Variants in ROBO2 observed in about 807,000 individuals in gnomAD.
ROBO2 encodes the protein roundabout homolog 2.
Under a neutral mutation model 160.8 loss-of-function variants are expected in ROBO2, and 53 were observed. The observed-to-expected ratio is 0.33, with a 90% CI of 0.26 to 0.41. The LOEUF (loss-of-function observed/expected upper bound fraction) is 0.41, where lower values mean the gene tolerates loss of function less well. Among genes scored for constraint, ROBO2 ranks in the 10% least tolerant of loss-of-function variants. The pLI is 1.00. For missense variants in ROBO2, 1,577 were observed against 1,722.4 expected (o/e 0.92, Z 1.49); for synonymous variants, 664 against 611.7 (o/e 1.09, Z -1.26).
intron 2 of ROBO2, among the ~76,000 whole-genome samples, chr3:76,675,968 T>C (rs2092397017): frequency 6.6e-6 from 1 of 152,270 alleles, no homozygotes; most frequent in African/African-American, 2.4e-5. Flanking sequence ...TTATTTAAAA[T>C]GTGCCCTTGC....
chr3:77,167,275 C>G (rs1007601455), intron 2 of ROBO2, among the ~76,000 whole-genome samples: 1 of 152,062 alleles, frequency 6.6e-6, no homozygotes, highest in Non-Finnish European at 1.5e-5. Context: ...ATTTCATCAT[C>G]TAGTATTCTG....
intron 2 of ROBO2, among the ~76,000 whole-genome samples, chr3:76,988,913 A>T (rs891250664): frequency 1.8e-4 from 28 of 152,274 alleles, no homozygotes; most frequent in South Asian, 1.7e-3. Flanking sequence ...GAGAAGCTTC[A>T]AATTGTTCCA....
intron 2 of ROBO2, among the ~76,000 whole-genome samples, chr3:76,684,172 A>G (rs7632207): frequency 0.52 from 79,095 of 151,726 alleles, 21,145 homozygotes; most frequent in East Asian, 0.76. Flanking sequence ...CAAAAAACCC[A>G]TCATACCATG....
chr3:76,102,119 A>C (rs1553646415), intron 2 of ROBO2, among the ~76,000 whole-genome samples: 3 of 151,294 alleles, frequency 2.0e-5, no homozygotes, highest in Non-Finnish European at 1.5e-5. Context: ...TAGTTCTTTT[A>C]AGTCTGGAGC....
At chr3:77,189,356 C>T (rs181453653) in intron 2 of ROBO2, among the ~76,000 whole-genome samples, 1 of 151,880 alleles carries the variant, frequency 6.6e-6, no homozygotes, top group Non-Finnish European at 1.5e-5. Context: ...AGATTTGTAA[C>T]ACTCCCTCTT....
intron 2 of ROBO2, among the ~76,000 whole-genome samples, chr3:76,395,770 AG>A (rs891421793): frequency 1.3e-5 from 2 of 152,222 alleles, no homozygotes; most frequent in African/African-American, 4.8e-5. Flanking sequence ...AGACTAAACC[AG>A]GAAGAAGTTG....
At chr3:76,262,784 C>T (rs1284257144) in intron 2 of ROBO2, among the ~76,000 whole-genome samples, 1 of 152,098 alleles carries the variant, frequency 6.6e-6, no homozygotes, top group Non-Finnish European at 1.5e-5. Context: ...GTAACCAGAT[C>T]AAGTTTAAGA....
At chr3:76,447,628 A>T (rs2077256384) in intron 2 of ROBO2, among the ~76,000 whole-genome samples, 1 of 150,532 alleles carries the variant, frequency 6.6e-6, no homozygotes, top group African/African-American at 2.5e-5. Flanking sequence ...AATAGCAAAG[A>T]CTTGGAACCA....
At position 76,679,324 on chromosome 3, in the gene ROBO2, A is replaced by G. The variant is rs1334803192; in HGVS notation, c.110-418690A>G. Among the ~76,000 whole-genome samples the G allele has an allele frequency of 3.3e-5, 5 of 152,104 alleles. No individual in the cohort carries two copies. The East Asian group carries it at 9.6e-4, about 29-fold the overall frequency. On this transcript the variant is annotated intron_variant, in intron 2 of 26. Coordinates refer to the ROBO2 transcript ENST00000487694. ...TTAACATTTTATAGACATTTATTTT[A>G]TCTTATAAGATCTTATCTATTAATC... is the stretch of plus-strand genomic sequence containing the variant.
intron 2 of ROBO2, among the ~76,000 whole-genome samples, chr3:76,655,193 A>G (rs1478909884): frequency 6.7e-6 from 1 of 150,102 alleles, no homozygotes; most frequent in Non-Finnish European, 1.5e-5. Context: ...TTATCGTAAG[A>G]GAATAGTCAA....
chr3:76,508,322 G>A (rs112426753), intron 2 of ROBO2, among the ~76,000 whole-genome samples: 1,546 of 151,872 alleles, frequency 0.01, 21 homozygotes, highest in African/African-American at 0.035. Flanking sequence ...TTTAACCATT[G>A]GCAACATGAA....
intron 2 of ROBO2, among the ~76,000 whole-genome samples, chr3:76,718,450 A>T (rs751317183): frequency 6.6e-5 from 10 of 152,226 alleles, no homozygotes; most frequent in Non-Finnish European, 1.5e-4. Flanking sequence ...TGTTATTTTG[A>T]CACATCCTCA....
intron 2 of ROBO2, chr3:76,433,917 G>A: frequency 1.6e-6 from 1 of 624,794 alleles, no homozygotes; most frequent in South Asian, 1.9e-5. Context: ...GACCATTTGT[G>A]ATTTGAATTT....
At chr3:76,499,395 C>T (rs1240885511) in intron 2 of ROBO2, among the ~76,000 whole-genome samples, 1 of 152,208 alleles carries the variant, frequency 6.6e-6, no homozygotes, top group African/African-American at 2.4e-5. Context: ...CACTCCTCAG[C>T]CCTAAGCTTT....
intron 2 of ROBO2, among the ~76,000 whole-genome samples, chr3:76,328,088 C>G (rs1265458756): frequency 6.6e-6 from 1 of 152,066 alleles, no homozygotes; most frequent in Non-Finnish European, 1.5e-5. Context: ...TAAGAAGTCC[C>G]AGATTTCAGA....
intron 2 of ROBO2, among the ~76,000 whole-genome samples, chr3:76,887,247 C>T (rs1433314602): frequency 1.7e-5 from 2 of 115,844 alleles, no homozygotes; most frequent in Non-Finnish European, 3.2e-5. Context: ...ATGAGAAAAG[C>T]ACTGGACTAG....
intron 2 of ROBO2, among the ~76,000 whole-genome samples, chr3:75,990,954 A>G (rs1421560833): frequency 6.6e-6 from 1 of 152,146 alleles, no homozygotes; most frequent in African/African-American, 2.4e-5. Context: ...AAATAGAACA[A>G]AAAGGTAGAC....
At chr3:76,969,357 G>T (rs1365031333) in intron 2 of ROBO2, among the ~76,000 whole-genome samples, 1 of 152,094 alleles carries the variant, frequency 6.6e-6, no homozygotes, top group Non-Finnish European at 1.5e-5. Context: ...AATTGAACTG[G>T]ACTGCAAGGC....
At chr3:76,664,332 G>C (rs1372429450) in intron 2 of ROBO2, among the ~76,000 whole-genome samples, 2 of 152,154 alleles carry the variant, frequency 1.3e-5, no homozygotes, top group Non-Finnish European at 2.9e-5. Flanking sequence ...AATTCAAGGT[G>C]AGGGAAGAAA....
Sources: gnomAD v4.1 joint callset for allele counts (sites outside exome capture counted in the v4.1 genomes callset) on GRCh38, gnomAD v4.1.1 for gene constraint, MANE v1.5 for transcripts, NCBI Gene and HGNC (gene_info 2026-07-23, HGNC 2026-07-21) for gene names.